Variants in JAKMIP3 observed in about 807,000 individuals in gnomAD.
JAKMIP3 encodes the protein janus kinase and microtubule-interacting protein 3.
In JAKMIP3, 58 loss-of-function variants were observed where a neutral mutation model predicts 118.5. That is an observed-to-expected ratio of 0.49 (90% CI 0.40 to 0.61). JAKMIP3 has a LOEUF of 0.61. Among genes scored for constraint, JAKMIP3 ranks in the 20% least tolerant of loss-of-function variants. The probability of loss-of-function intolerance (pLI) is 0.00; values close to 1 mark genes in which losing one functional copy is unlikely to be tolerated. For synonymous variants in JAKMIP3, 486 were observed against 451.2 expected, an observed-to-expected ratio of 1.08 and a Z score of -0.98; for missense variants, 950 against 1,109.0, an observed-to-expected ratio of 0.86 and a Z score of 2.04.
chr10:132,145,974 A>G (rs2054521381), intron 13 of JAKMIP3, among the ~76,000 whole-genome samples: 1 of 152,200 alleles, frequency 6.6e-6, no homozygotes, highest in Admixed American at 6.5e-5. Flanking sequence ...CCTTCCAGCA[A>G]CGCTTGTGGG....
intron 19 of JAKMIP3, among the ~76,000 whole-genome samples, chr10:132,161,128 G>A (rs2058199217): frequency 1.3e-5 from 1 of 75,102 alleles, no homozygotes; most frequent in Non-Finnish European, 2.7e-5. Context: ...GTGTCTTATT[G>A]AGGGGGCCTC....
chr10:132,172,200 A>T (rs1439283176), intron 23 of JAKMIP3, among the ~76,000 whole-genome samples: 1 of 151,988 alleles, frequency 6.6e-6, no homozygotes, highest in East Asian at 1.9e-4. Flanking sequence ...CCTCAGGAGG[A>T]TCTGCCTGGC....
chr10:132,090,138 A>G (rs1394772706), intron 1 of JAKMIP3, among the ~76,000 whole-genome samples: 1 of 152,160 alleles, frequency 6.6e-6, no homozygotes, highest in African/African-American at 2.4e-5. Context: ...TTTTTGCATC[A>G]ATGTTCGTCA....
chr10:132,145,981 T>C (rs953652614), intron 13 of JAKMIP3, among the ~76,000 whole-genome samples: 1 of 152,160 alleles, frequency 6.6e-6, no homozygotes, highest in East Asian at 1.9e-4. Context: ...GCAACGCTTG[T>C]GGGGAAGCTG....
chr10:132,062,061 A>G (rs959106681), upstream of JAKMIP3, among the ~76,000 whole-genome samples: 2 of 152,112 alleles, frequency 1.3e-5, no homozygotes, highest in Non-Finnish European at 2.9e-5. Flanking sequence ...GGGTGAGCCC[A>G]GACGAAGAAA....
At chr10:132,146,712 C>T (rs541145186) in intron 13 of JAKMIP3, among the ~76,000 whole-genome samples, 2 of 152,326 alleles carry the variant, frequency 1.3e-5, no homozygotes, top group East Asian at 3.9e-4. Flanking sequence ...CTCTGCACTG[C>T]TGCCAGCCCA....
chr10:132,048,045 G>A (rs1343378657), intron 1 of JAKMIP3, among the ~76,000 whole-genome samples: 1 of 152,226 alleles, frequency 6.6e-6, no homozygotes, highest in East Asian at 1.9e-4. Context: ...CCCAGTGTGG[G>A]TTTAGCTGGG....
rs1564986892 is a variant in JAKMIP3, at chr10:132,161,839, T to TGGGGCAAGG, written c.2221-1370_2221-1369insGGGGCAAGG. Among the ~76,000 whole-genome samples the TGGGGCAAGG allele has an allele frequency of 1.6e-4, 14 of 87,512 alleles. 1 individual carries two copies. Among genetic ancestry groups the TGGGGCAAGG allele is most frequent in the Admixed American group, 6.4e-4 (4 of 6,296 alleles). The allele number at this position is 87,512 out of a possible 152,430, so 57.4% of individuals were successfully genotyped here. A position where few individuals can be genotyped will look rare whatever the true frequency, so the allele number is the denominator to read the frequency against. On this transcript the variant is annotated intron_variant, in intron 19 of 23. Transcript: ENST00000684848. ...GGGGGGGCCTCTTCTTGGGTGAAGCTAGGGGGTCTTTTCTTGGGTGATGCT... is the reference window on the plus strand; with the variant it reads ...GGGGGGGCCTCTTCTTGGGTGAAGCTGGGGCAAGGAGGGGGTCTTTTCTTGGGTGATGCT...
chr10:132,172,221 G>A (rs935977298), intron 23 of JAKMIP3, among the ~76,000 whole-genome samples: 30 of 152,130 alleles, frequency 2.0e-4, no homozygotes, highest in Non-Finnish European at 4.0e-4. Flanking sequence ...CTGTGGTTCC[G>A]TGGAGATAAT....
intron 1 of JAKMIP3, among the ~76,000 whole-genome samples, chr10:132,053,460 A>C (rs1446617696): frequency 6.6e-6 from 1 of 152,230 alleles, no homozygotes; most frequent in Non-Finnish European, 1.5e-5. Flanking sequence ...GATGGAACAC[A>C]GGTGCAGGCT....
intron 2 of JAKMIP3, among the ~76,000 whole-genome samples, chr10:132,106,789 G>A (rs114805796): frequency 0.012 from 1,783 of 152,346 alleles, 32 homozygotes; most frequent in African/African-American, 0.04. Context: ...CATGGCTGTC[G>A]TCTTCCCTCT....
chr10:132,091,735 T>C (rs1157434047), intron 1 of JAKMIP3, among the ~76,000 whole-genome samples: 1 of 152,206 alleles, frequency 6.6e-6, no homozygotes, highest in Non-Finnish European at 1.5e-5. Flanking sequence ...AATTTACCAG[T>C]CTGTGTCTTT....
chr10:132,115,232 G>A (rs1245177238), intron 2 of JAKMIP3, among the ~76,000 whole-genome samples: 2 of 85,238 alleles, frequency 2.3e-5, no homozygotes, highest in Admixed American at 9.1e-5. Context: ...CCGGGTCACC[G>A]CGATCGCGGC....
Position 132,112,726 on chromosome 10 carries a change from T to C in JAKMIP3, c.136-4351T>C, listed in dbSNP as rs1247462504. 1.3e-5 allele frequency among the ~76,000 whole-genome samples: 2 copies of C among 152,166 alleles called. No individual in the cohort carries two copies. Reference sequence around the variant, plus strand: ...CATGAAGGGTCTGGGATTCGGATTCTCCTTGTCCACAGCCACGTGTCTCCT... The same window carrying C: ...CATGAAGGGTCTGGGATTCGGATTCCCCTTGTCCACAGCCACGTGTCTCCT... On this transcript the variant is annotated intron_variant, in intron 2 of 23. Transcript: ENST00000684848. This position sits in a 1 kb window ranked among gnomAD's most constrained non-coding sequence, Gnocchi z 4.3.
At chr10:132,169,321 C>T (rs994824635) in intron 23 of JAKMIP3, among the ~76,000 whole-genome samples, 1 of 152,126 alleles carries the variant, frequency 6.6e-6, no homozygotes, top group Admixed American at 6.5e-5. Flanking sequence ...AGGAGGCTTG[C>T]GGGAAAAGGG....
intron 1 of JAKMIP3, among the ~76,000 whole-genome samples, chr10:132,079,983 G>C (rs901483360): frequency 6.6e-6 from 1 of 152,200 alleles, no homozygotes; most frequent in Non-Finnish European, 1.5e-5. Context: ...GAACACAGGT[G>C]GACAAATGTG....
At chr10:132,080,325 T>C (rs779831891) in intron 1 of JAKMIP3, among the ~76,000 whole-genome samples, 17 of 152,262 alleles carry the variant, frequency 1.1e-4, no homozygotes, top group Non-Finnish European at 2.4e-4. Flanking sequence ...GCCATCCTAA[T>C]GGGTGTGAGG....
chr10:132,038,570 G>C (rs2037595972), intron 1 of JAKMIP3, among the ~76,000 whole-genome samples: 1 of 152,206 alleles, frequency 6.6e-6, no homozygotes, highest in South Asian at 2.1e-4. Context: ...GCCCAGGTGG[G>C]TGGATCACCT....
chr10:132,054,311 T>C (rs1440677477), intron 1 of JAKMIP3, among the ~76,000 whole-genome samples: 1 of 151,956 alleles, frequency 6.6e-6, no homozygotes, highest in African/African-American at 2.4e-5. Context: ...CCTCTTTTTT[T>C]CCCCAATAAC....
Sources: gnomAD v4.1 joint callset for allele counts (sites outside exome capture counted in the v4.1 genomes callset) on GRCh38, gnomAD v4.1.1 for gene constraint, Gnocchi (gnomAD v3.1) non-coding constraint, MANE v1.5 for transcripts, NCBI Gene and HGNC (gene_info 2026-07-23, HGNC 2026-07-21) for gene names.